The following ERC2 variants were observed in gnomAD, a reference collection of about 807,000 sequenced individuals.
The protein encoded by ERC2 is ERC protein 2.
A neutral mutation model predicts 114.8 loss-of-function variants in ERC2; 42 were observed. The observed-to-expected ratio is 0.37, with a 90% CI of 0.29 to 0.47. The LOEUF (loss-of-function observed/expected upper bound fraction) is 0.47, where lower values mean the gene tolerates loss of function less well. Ranked by LOEUF, ERC2 falls within the 20% of genes least tolerant of loss-of-function variation. ERC2 has a pLI of 0.99. For missense variants in ERC2, 939 were observed against 1,150.7 expected, an observed-to-expected ratio of 0.82 and a Z score of 2.66; for synonymous variants, 454 against 425.5, an observed-to-expected ratio of 1.07 and a Z score of -0.82.
At chr3:56,068,853 T>C (rs2076598797) in intron 7 of ERC2, among the ~76,000 whole-genome samples, 1 of 152,234 alleles carries the variant, frequency 6.6e-6, no homozygotes, top group African/African-American at 2.4e-5. Flanking sequence ...TGTGTGGTTT[T>C]GAGTGAGTTT....
At chr3:56,452,345 T>C (rs1297270424) in intron 1 of ERC2, among the ~76,000 whole-genome samples, 1 of 152,192 alleles carries the variant, frequency 6.6e-6, no homozygotes, top group Non-Finnish European at 1.5e-5. Context: ...AATTGAATCA[T>C]CACCCAGTGC....
chr3:56,173,786 T>G, intron 3 of ERC2: 1 of 424,338 alleles, frequency 2.4e-6, no homozygotes, highest in African/African-American at 2.0e-5. Flanking sequence ...GTAATCATAG[T>G]CCAAATACTG....
chr3:55,652,969 C>T (rs1296280916), intron 17 of ERC2, among the ~76,000 whole-genome samples: 8 of 151,056 alleles, frequency 5.3e-5, no homozygotes, highest in Admixed American at 5.3e-4. Flanking sequence ...TGAAAAGTAT[C>T]AGAATTGGTG....
intron 3 of ERC2, among the ~76,000 whole-genome samples, chr3:56,199,465 G>A (rs2048288804): frequency 6.6e-6 from 1 of 151,892 alleles, no homozygotes; most frequent in South Asian, 2.1e-4. Context: ...TAACTCTAAA[G>A]GACATTGAAT....
At chr3:56,289,364 T>A (rs1408502741) in intron 3 of ERC2, among the ~76,000 whole-genome samples, 6 of 152,120 alleles carry the variant, frequency 3.9e-5, no homozygotes, top group Non-Finnish European at 2.9e-5. Context: ...ACAGTATCCA[T>A]CTAACTTCTC....
chr3:56,348,943 GGAAGGAAGGAAGGAAA>G (rs2058437149), intron 2 of ERC2, among the ~76,000 whole-genome samples: 1 of 68,060 alleles, frequency 1.5e-5, no homozygotes, highest in African/African-American at 4.0e-5. Context: ...AAGGAAGGAA[GGAAGGAAGGAAGGAAA>G]GAAAGAAAGA....
At chr3:56,203,519 C>T (rs931834985) in intron 3 of ERC2, among the ~76,000 whole-genome samples, 18 of 152,264 alleles carry the variant, frequency 1.2e-4, no homozygotes, top group South Asian at 4.1e-4. Flanking sequence ...CTGCATCAAA[C>T]GTTTTCTACA....
intron 3 of ERC2, among the ~76,000 whole-genome samples, chr3:56,264,712 A>C (rs926083237): frequency 6.6e-6 from 1 of 152,052 alleles, no homozygotes; most frequent in Non-Finnish European, 1.5e-5. Flanking sequence ...AAGCCCTATA[A>C]AGACCCCATA....
chr3:56,207,399 T>C (rs2048806504), intron 3 of ERC2, among the ~76,000 whole-genome samples: 1 of 152,170 alleles, frequency 6.6e-6, no homozygotes, highest in African/African-American at 2.4e-5. Flanking sequence ...TATATTTATT[T>C]ATTTTTCTAA....
chr3:56,402,414 G>C (rs1164968113), intron 2 of ERC2, among the ~76,000 whole-genome samples: 1 of 152,174 alleles, frequency 6.6e-6, no homozygotes, highest in Non-Finnish European at 1.5e-5. Context: ...CTTATGGAGA[G>C]ATGCTTTCAT....
At chr3:55,944,213 A>G (rs898500305) in intron 13 of ERC2, among the ~76,000 whole-genome samples, 12 of 152,226 alleles carry the variant, frequency 7.9e-5, no homozygotes, top group African/African-American at 2.9e-4. Flanking sequence ...CGTTTCATTC[A>G]GCAGGATCTT....
At chr3:55,858,140 A>T (rs946904428) in intron 14 of ERC2, among the ~76,000 whole-genome samples, 9 of 152,210 alleles carry the variant, frequency 5.9e-5, no homozygotes, top group African/African-American at 2.2e-4. Flanking sequence ...CTAAACCTCT[A>T]TTTTAAAAAG....
At position 56,083,304 on chromosome 3, in the gene ERC2, G is replaced by A. The variant is rs866340033; in HGVS notation, c.1474-2320C>T. Among the ~76,000 whole-genome samples the A allele has an allele frequency of 5.3e-5, 8 of 152,278 alleles. 1 individual carries two copies. The Middle Eastern group carries it at 0.024, about 453-fold the overall frequency. On this transcript the variant is annotated intron_variant, in intron 6 of 17. Transcript: ENST00000288221. The stretch of plus-strand genomic sequence containing the variant: ...AGTGAAAGAATCTAGAGGATTTATG[G>A]CATGACTGTGTTTCCATTTCTGTGA...
At chr3:55,630,335 A>C (rs920296352) in intron 17 of ERC2, among the ~76,000 whole-genome samples, 4 of 152,008 alleles carry the variant, frequency 2.6e-5, no homozygotes, top group African/African-American at 9.7e-5. Flanking sequence ...ACACCAGGCT[A>C]ATTTTGTATT....
chr3:55,999,256 T>A (rs1036785467), intron 10 of ERC2, among the ~76,000 whole-genome samples: 1 of 152,150 alleles, frequency 6.6e-6, no homozygotes, highest in African/African-American at 2.4e-5. Context: ...AGAATGATAG[T>A]TAAGCTGCAG....
intron 17 of ERC2, among the ~76,000 whole-genome samples, chr3:55,568,793 T>G (rs2107513767): frequency 6.6e-6 from 1 of 152,266 alleles, no homozygotes; most frequent in African/African-American, 2.4e-5. Context: ...TCCCTCCTCG[T>G]TCACAGTGAA....
intron 1 of ERC2, among the ~76,000 whole-genome samples, chr3:56,454,735 T>C (rs1168947801): frequency 2.6e-5 from 4 of 151,516 alleles, no homozygotes; most frequent in Non-Finnish European, 4.4e-5. Flanking sequence ...CCTGTAGTCC[T>C]AGCTACTTGG....
At chr3:55,563,243 T>C (rs993614311) in intron 17 of ERC2, among the ~76,000 whole-genome samples, 2 of 152,258 alleles carry the variant, frequency 1.3e-5, no homozygotes, top group South Asian at 2.1e-4. Context: ...AGGTGGACTG[T>C]TGCCCTCTGC....
At chr3:55,952,209 T>C (rs2067628170) in intron 12 of ERC2, among the ~76,000 whole-genome samples, 1 of 123,696 alleles carries the variant, frequency 8.1e-6, no homozygotes, top group African/African-American at 2.7e-5. Context: ...TATATATATA[T>C]ATATATATTC....
Sources: gnomAD v4.1 joint callset for allele counts (sites outside exome capture counted in the v4.1 genomes callset) on GRCh38, gnomAD v4.1.1 for gene constraint, MANE v1.5 for transcripts, NCBI Gene and HGNC (gene_info 2026-07-23, HGNC 2026-07-21) for gene names.